The following ECPAS variants were observed in gnomAD, a reference collection of about 807,000 sequenced individuals.
ECPAS encodes proteasome adapter and scaffold protein ECM29.
ECPAS carries 70 observed loss-of-function variants against 255.1 expected under a neutral mutation model. The observed-to-expected ratio is 0.27, with a 90% CI of 0.23 to 0.33. The LOEUF (loss-of-function observed/expected upper bound fraction) is 0.33, where lower values mean the gene tolerates loss of function less well. Among genes scored for constraint, ECPAS ranks in the 10% least tolerant of loss-of-function variants. The pLI, the probability that ECPAS is intolerant of heterozygous loss-of-function variation, is 1.00. For synonymous variants in ECPAS, 784 were observed against 775.0 expected (o/e 1.01, Z -0.19); for missense variants, 1,817 against 2,206.4 (o/e 0.82, Z 3.54).
At chr9:111,378,140 C>T (rs117991721) in intron 36 of ECPAS, among the ~76,000 whole-genome samples, 9,628 of 151,382 alleles carry the variant, frequency 0.064, 447 homozygotes, top group East Asian at 0.19. Flanking sequence ...AGTGATGCTC[C>T]GTCTCCAAAA....
intron 35 of ECPAS, among the ~76,000 whole-genome samples, chr9:111,380,530 C>T (rs893516184): frequency 1.8e-4 from 28 of 152,210 alleles, no homozygotes; most frequent in African/African-American, 6.8e-4. Context: ...TAAATGAGCA[C>T]TGGCTTCAAC....
intron 24 of ECPAS, among the ~76,000 whole-genome samples, chr9:111,404,697 T>C (rs34612315): frequency 0.3 from 43,993 of 148,028 alleles, 8,613 homozygotes; most frequent in Non-Finnish European, 0.41. Flanking sequence ...GTGAGTCAAT[T>C]AAACCTGTTT....
rs900768346 is a variant in ECPAS at position 111,484,144 on chromosome 9, G to A, written c.-111C>T. 20 of 1,465,510 alleles carry A rather than the reference G, an allele frequency of 1.4e-5. No homozygotes were observed. Among genetic ancestry groups the A allele is most frequent in the Non-Finnish European group, 1.7e-5 (19 of 1,111,538 alleles). 90.8% of individuals were successfully genotyped at this position (1,465,510 alleles called of 1,614,324 possible). A position where few individuals can be genotyped will look rare whatever the true frequency, so the allele number is the denominator to read the frequency against. ...AGTCGGAGCCGGTCTCCATGCCGCG[G>A]ACGCTGCGCTCGGCGCCGCGAGGTG... On this transcript the variant is annotated 5_prime_UTR_variant, in exon 1 of 50. Coordinates refer to ENST00000684092, the MANE Select transcript of ECPAS (RefSeq NM_001364929.1).
At chr9:111,448,174 A>T (rs537559922) in intron 3 of ECPAS, among the ~76,000 whole-genome samples, 185 of 152,296 alleles carry the variant, frequency 1.2e-3, no homozygotes, top group African/African-American at 4.2e-3. Flanking sequence ...TATCAATAAA[A>T]TTTTTTCTTA....
intron 16 of ECPAS, 77 bp downstream of exon 16, chr9:111,419,939 TA>T: frequency 9.2e-7 from 1 of 1,084,660 alleles, no homozygotes; most frequent in Non-Finnish European, 1.4e-6. Flanking sequence ...ACCAACATTG[TA>T]AACAATACAA....
intron 2 of ECPAS, among the ~76,000 whole-genome samples, chr9:111,457,842 C>G (rs1386312347): frequency 6.6e-6 from 1 of 152,192 alleles, no homozygotes; most frequent in Non-Finnish European, 1.5e-5. Flanking sequence ...CCCCCTACCC[C>G]TATAGCATTT....
At chr9:111,456,290 T>C (rs1484080587) in intron 2 of ECPAS, among the ~76,000 whole-genome samples, 1 of 152,158 alleles carries the variant, frequency 6.6e-6, no homozygotes, top group Non-Finnish European at 1.5e-5. Context: ...AAAACAGAAC[T>C]GAAGAAGACT....
At chr9:111,473,986 GA>G (rs1057191891) in intron 1 of ECPAS, among the ~76,000 whole-genome samples, 4 of 151,872 alleles carry the variant, frequency 2.6e-5, no homozygotes, top group Admixed American at 1.3e-4. Flanking sequence ...GAAAAGAAAA[GA>G]AAAAAATCTT....
At position 111,413,876 on chromosome 9, in the gene ECPAS, A is replaced by T. The variant is rs1435929443; in HGVS notation, c.2079+19T>A. ...CTGAAATAGAATTTTTTTTAAAAAA[A>T]GGTACATGCAGAACATACCTTTATC... On this transcript the variant is annotated intron_variant, in intron 20 of 49. Coordinates refer to ENST00000684092, the MANE Select transcript of ECPAS (RefSeq NM_001364929.1). The T allele has an allele frequency of 7.0e-7, 1 of 1,432,986 alleles. No individual in the cohort carries two copies. Among genetic ancestry groups the T allele is most frequent in the Non-Finnish European group, 9.4e-7 (1 of 1,065,226 alleles). 88.8% of individuals were successfully genotyped at this position (1,432,986 alleles called of 1,614,324 possible).
chr9:111,401,252 G>A (rs1258785281), intron 24 of ECPAS, among the ~76,000 whole-genome samples: 1 of 152,182 alleles, frequency 6.6e-6, no homozygotes, highest in African/African-American at 2.4e-5. Flanking sequence ...AGTGTCGGTT[G>A]GTCTGAGAAA....
chr9:111,458,754 T>G (rs2098269879), intron 2 of ECPAS, among the ~76,000 whole-genome samples: 2 of 152,118 alleles, frequency 1.3e-5, no homozygotes, highest in African/African-American at 4.8e-5. Flanking sequence ...CCGGTGAGCT[T>G]CTATGATCAG....
chr9:111,424,126 G>A (rs1027202514), intron 12 of ECPAS, among the ~76,000 whole-genome samples: 3 of 152,112 alleles, frequency 2.0e-5, no homozygotes, highest in African/African-American at 7.2e-5. Flanking sequence ...TAATCTGAGT[G>A]GTCCCCTAGA....
At chr9:111,367,011 A>T (rs1387111575) in intron 46 of ECPAS, among the ~76,000 whole-genome samples, 6 of 152,206 alleles carry the variant, frequency 3.9e-5, no homozygotes, top group African/African-American at 1.4e-4. Context: ...CCTGAATGAC[A>T]GCCACAGAAA....
chr9:111,442,454 G>A (rs749170640), intron 4 of ECPAS, 30 bp from the exon 5 acceptor site: 20 of 1,240,338 alleles, frequency 1.6e-5, no homozygotes, highest in Non-Finnish European at 2.2e-5. Flanking sequence ...GCAAGTGAGT[G>A]TGAAGGAAAT....
chr9:111,476,691 C>G (rs559406422), intron 1 of ECPAS, among the ~76,000 whole-genome samples: 1 of 150,658 alleles, frequency 6.6e-6, no homozygotes, highest in African/African-American at 2.4e-5. Flanking sequence ...AAGTGGGAGT[C>G]TCACTCTGTC....
At chr9:111,435,042 G>C (rs544321432) in intron 7 of ECPAS, among the ~76,000 whole-genome samples, 1 of 151,638 alleles carries the variant, frequency 6.6e-6, no homozygotes, top group Non-Finnish European at 1.5e-5. Flanking sequence ...AGGGTTACAG[G>C]CATGCACCAC....
chr9:111,420,299 T>C (rs769558743), intron 15 of ECPAS, among the ~76,000 whole-genome samples, 179 bp from the exon 16 acceptor site: 1 of 152,234 alleles, frequency 6.6e-6, no homozygotes, highest in Non-Finnish European at 1.5e-5. Flanking sequence ...TCAAGATCTT[T>C]AATCATGTTG....
At chr9:111,477,634 A>C (rs969635097) in intron 1 of ECPAS, among the ~76,000 whole-genome samples, 3 of 152,216 alleles carry the variant, frequency 2.0e-5, no homozygotes, top group African/African-American at 7.2e-5. Context: ...TTTTGCAATC[A>C]GAGAATCTAA....
intron 29 of ECPAS, among the ~76,000 whole-genome samples, chr9:111,391,465 T>A (rs551186988): frequency 6.6e-6 from 1 of 152,008 alleles, no homozygotes; most frequent in South Asian, 2.1e-4. Context: ...TAATCTCAGT[T>A]ACCTGGGAAG....
Sources: allele counts gnomAD v4.1 joint callset (sites outside exome capture counted in the v4.1 genomes callset), GRCh38; gene constraint gnomAD v4.1.1; transcripts MANE v1.5; gene names NCBI Gene and HGNC (gene_info 2026-07-23, HGNC 2026-07-21).